The following DLC1 variants were observed in gnomAD, a reference collection of about 807,000 sequenced individuals.
The protein encoded by DLC1 is DLC1 Rho GTPase activating protein, also known as rho GTPase-activating protein 7.
DLC1 carries 54 observed loss-of-function variants against 140.3 expected under a neutral mutation model. The observed-to-expected ratio is 0.38, with a 90% CI of 0.31 to 0.48. DLC1 has a LOEUF of 0.48. Among genes scored for constraint, DLC1 ranks in the 20% least tolerant of loss-of-function variants. DLC1 has a pLI of 0.96. For synonymous variants in DLC1, 986 were observed against 728.1 expected (o/e 1.35, Z -5.70); for missense variants, 2,536 against 1,907.0 (o/e 1.33, Z -6.14).
chr8:13,371,281 G>A (rs1339020001), intron 4 of DLC1, among the ~76,000 whole-genome samples: 1 of 152,076 alleles, frequency 6.6e-6, no homozygotes, highest in Non-Finnish European at 1.5e-5. Context: ...TTCCAGAACA[G>A]CCTTCAAAAT....
chr8:13,534,000 G>T (rs1257962954), intron 1 of DLC1, among the ~76,000 whole-genome samples: 1 of 152,092 alleles, frequency 6.6e-6, no homozygotes, highest in African/African-American at 2.4e-5. Context: ...CCCAGTCTTG[G>T]TTATTTCTTT....
intron 2 of DLC1, among the ~76,000 whole-genome samples, chr8:13,453,418 ATATATGTGTATATATATATG>A (rs1799181051): frequency 1.6e-4 from 7 of 44,286 alleles, no homozygotes; most frequent in Admixed American, 3.1e-4. Context: ...ATATATATAT[ATATATGTGTATATATATATG>A]TATATATATA....
At chr8:13,454,901 G>T (rs1486980798) in intron 2 of DLC1, among the ~76,000 whole-genome samples, 1 of 152,128 alleles carries the variant, frequency 6.6e-6, no homozygotes, top group Non-Finnish European at 1.5e-5. Context: ...ACCATTTGTT[G>T]TGGGGTATAT....
chr8:13,307,316 C>T (rs904201552), intron 4 of DLC1, among the ~76,000 whole-genome samples: 8 of 152,110 alleles, frequency 5.3e-5, no homozygotes, highest in African/African-American at 1.9e-4. Flanking sequence ...GCATAGGCTG[C>T]CAGCATTTCC....
At chr8:13,304,769 T>C (rs906321894) in intron 5 of DLC1, 1 of 953,350 alleles carries the variant, frequency 1.0e-6, no homozygotes, top group African/African-American at 1.8e-5. Context: ...TACTGTTAAA[T>C]AATTATAATT....
chr8:13,134,581 A>G (rs1168883536), intron 5 of DLC1, among the ~76,000 whole-genome samples: 1 of 152,226 alleles, frequency 6.6e-6, no homozygotes, highest in African/African-American at 2.4e-5. Context: ...TCTTAATTAT[A>G]GTTTAAAACT....
At chr8:13,574,702 G>A (rs1249360211) in intron 1 of DLC1, among the ~76,000 whole-genome samples, 1 of 152,110 alleles carries the variant, frequency 6.6e-6, no homozygotes, top group Non-Finnish European at 1.5e-5. Flanking sequence ...AAACAAATCT[G>A]TTTATTGAAC....
intron 1 of DLC1, among the ~76,000 whole-genome samples, chr8:13,603,237 A>G (rs555266944): frequency 3.2e-4 from 48 of 151,950 alleles, no homozygotes; most frequent in Admixed American, 1.1e-3. Flanking sequence ...ATCATTAACT[A>G]TGATTAATAT....
At chr8:13,386,110 G>C (rs998124667) in intron 4 of DLC1, among the ~76,000 whole-genome samples, 1 of 152,114 alleles carries the variant, frequency 6.6e-6, no homozygotes, top group African/African-American at 2.4e-5. Context: ...AATTCAAGAA[G>C]TCACATTGGT....
chr8:13,305,120 A>C, intron 5 of DLC1, 149 bp downstream of exon 5: 1 of 1,338,690 alleles, frequency 7.5e-7, no homozygotes, highest in African/African-American at 1.5e-5. Flanking sequence ...ATATTGAGCA[A>C]AACAAATTTC....
intron 5 of DLC1, among the ~76,000 whole-genome samples, chr8:13,141,572 T>C (rs775008160): frequency 1.3e-5 from 2 of 152,198 alleles, no homozygotes; most frequent in Non-Finnish European, 2.9e-5. Flanking sequence ...GCTCTTTCTT[T>C]CTGGTGGATT....
At chr8:13,086,526 G>A in intron 16 of DLC1, 63 bp from the exon 17 acceptor site, 1 of 1,577,724 alleles carries the variant, frequency 6.3e-7, no homozygotes, top group Non-Finnish European at 8.6e-7. Flanking sequence ...TTAAAATCGT[G>A]CTTCACTCTT....
At chr8:13,151,268 C>A (rs1258614866) in intron 5 of DLC1, among the ~76,000 whole-genome samples, 1 of 152,202 alleles carries the variant, frequency 6.6e-6, no homozygotes. Flanking sequence ...AAAACACCAA[C>A]AGCGAATTTT....
chr8:13,270,934 T>C (rs1444559364), intron 5 of DLC1, among the ~76,000 whole-genome samples: 2 of 152,144 alleles, frequency 1.3e-5, no homozygotes, highest in African/African-American at 2.4e-5. Flanking sequence ...TTTCATGACG[T>C]AGGTGCTGTT....
At position 13,401,249 on chromosome 8, in the gene DLC1, A is replaced by T. The variant is rs11203483; in HGVS notation, c.1173+221T>A. 0.39 allele frequency among the ~76,000 whole-genome samples: 59,024 copies of T among 152,052 alleles called. 12,565 individuals are homozygous for T. Among genetic ancestry groups the T allele is most frequent in the Non-Finnish European group, 0.48 (32,330 of 67,964 alleles). ...TTTCCTTCCTGTTTAATGATAAACA[A>T]GTTCTTTTGTATCACCCATTTCTCT... On this transcript the variant is annotated intron_variant, in intron 3 of 17. Transcript: ENST00000276297.
At position 13,499,134 on chromosome 8, in the gene DLC1, T is replaced by A. The variant is rs929610221; in HGVS notation, c.938A>T (p.Glu313Val). Residue 313 changes from glutamate to valine, a missense_variant, in exon 2 of 18, where the codon GAA becomes GTA. By Grantham distance (121) the Glu-to-Val change is moderately radical. Coordinates refer to ENST00000276297, the MANE Select transcript of DLC1 (RefSeq NM_182643.3). ...TAATTGTAAACACTGCATGCCATCT[T>A]CTGCCTTGACCTTTGGTGGACTTTT... is the stretch of plus-strand genomic sequence containing the variant. Reference protein sequence around the residue: ...QNKSPPKVKAEDGMQCLQLKE... With the variant: ...QNKSPPKVKAVDGMQCLQLKE... 1 of 1,614,062 alleles carries A rather than the reference T, an allele frequency of 6.2e-7. No homozygotes were observed. The highest frequency in any genetic ancestry group is 1.7e-5 in the Admixed American group (1 of 59,998).
At chr8:13,288,523 C>T (rs981164166) in intron 5 of DLC1, among the ~76,000 whole-genome samples, 3 of 152,194 alleles carry the variant, frequency 2.0e-5, no homozygotes, top group African/African-American at 4.8e-5. Flanking sequence ...CCTAGAAATG[C>T]CTCAGATCTT....
rs770244943 is a variant in DLC1, at chr8:13,100,442, C to A, written c.1895G>T (p.Gly632Val). 18 of 1,613,828 alleles carry A rather than the reference C, an allele frequency of 1.1e-5. No homozygotes were observed. Among genetic ancestry groups the A allele is most frequent in the Non-Finnish European group, 1.4e-5 (17 of 1,180,036 alleles). The change falls in exon 9 of 18, where the codon GGC (glycine) becomes GTC (valine). Residue 632 changes from glycine to valine, a missense_variant. Coordinates refer to ENST00000276297, the MANE Select transcript of DLC1 (RefSeq NM_182643.3). ...ISVCSSSNLA[G>V]NDDSFGSLPS... ...CAGGCTGCCGAAAGAGTCGTCATTG[C>A]CTGCCAAGTTGCTGGAGGAGCAAAC...
chr8:13,408,475 C>A (rs1376622448), intron 2 of DLC1, among the ~76,000 whole-genome samples: 1 of 152,160 alleles, frequency 6.6e-6, no homozygotes, highest in Non-Finnish European at 1.5e-5. Context: ...CACTGATTAG[C>A]CAGAACTTTT....
Sources: gnomAD v4.1 joint callset for allele counts (sites outside exome capture counted in the v4.1 genomes callset) on GRCh38, gnomAD v4.1.1 for gene constraint, MANE v1.5 for transcripts, NCBI Gene and HGNC (gene_info 2026-07-23, HGNC 2026-07-21) for gene names.